The following FOXJ3 variants were observed in gnomAD, a reference collection of about 807,000 sequenced individuals.
The protein encoded by FOXJ3 is forkhead box protein J3.
FOXJ3 carries 22 observed loss-of-function variants against 76.1 expected under a neutral mutation model. That is an observed-to-expected ratio of 0.29 (90% CI 0.21 to 0.41). FOXJ3 has a LOEUF of 0.41. Ranked by LOEUF, FOXJ3 falls within the 10% of genes least tolerant of loss-of-function variation. FOXJ3 has a pLI of 1.00. For missense variants in FOXJ3, 613 were observed against 762.1 expected (o/e 0.80, Z 2.30); for synonymous variants, 269 against 261.2 (o/e 1.03, Z -0.29).
chr1:42,180,334 C>T (rs1182406096), intron 12 of FOXJ3, among the ~76,000 whole-genome samples: 1 of 152,132 alleles, frequency 6.6e-6, no homozygotes, highest in Non-Finnish European at 1.5e-5. Context: ...ACACAGGAAA[C>T]CAGAAGGAAC....
intron 2 of FOXJ3, among the ~76,000 whole-genome samples, chr1:42,279,809 TA>T (rs942372550): frequency 1.3e-5 from 2 of 150,314 alleles, no homozygotes; most frequent in Non-Finnish European, 3.0e-5. Context: ...GACAACAAAA[TA>T]AAAAAAAACT....
chr1:42,204,655 T>C (rs536767559), intron 6 of FOXJ3, among the ~76,000 whole-genome samples: 4 of 152,164 alleles, frequency 2.6e-5, no homozygotes, highest in South Asian at 2.1e-4. Flanking sequence ...CAGTAACTGA[T>C]TTGGCAGAAT....
chr1:42,279,395 T>C (rs1443063976), intron 2 of FOXJ3, among the ~76,000 whole-genome samples: 1 of 152,118 alleles, frequency 6.6e-6, no homozygotes, highest in African/African-American at 2.4e-5. Context: ...TTACAAAAAC[T>C]AACTGAAATT....
At chr1:42,232,105 A>G (rs1360678908) in intron 4 of FOXJ3, among the ~76,000 whole-genome samples, 1 of 152,254 alleles carries the variant, frequency 6.6e-6, no homozygotes, top group South Asian at 2.1e-4. Context: ...AGCCTCATCC[A>G]TGTCCCTAAA....
chr1:42,267,551 T>C (rs1467660654), intron 3 of FOXJ3, among the ~76,000 whole-genome samples: 1 of 152,074 alleles, frequency 6.6e-6, no homozygotes, highest in Non-Finnish European at 1.5e-5. Flanking sequence ...TCTACACAGA[T>C]ATCTGGTCTC....
At chr1:42,305,536 A>T (rs1333591373) in intron 2 of FOXJ3, among the ~76,000 whole-genome samples, 1 of 152,246 alleles carries the variant, frequency 6.6e-6, no homozygotes, top group Non-Finnish European at 1.5e-5. Flanking sequence ...AAAATGTGGT[A>T]CATATATACA....
At chr1:42,180,258 C>T (rs991763979) in intron 12 of FOXJ3, among the ~76,000 whole-genome samples, 2 of 152,140 alleles carry the variant, frequency 1.3e-5, no homozygotes, top group Admixed American at 6.5e-5. Context: ...ACTGAATTTT[C>T]CCCAGCAAGC....
At chr1:42,187,495 G>C (rs1489256458) in intron 11 of FOXJ3, among the ~76,000 whole-genome samples, 2 of 152,132 alleles carry the variant, frequency 1.3e-5, no homozygotes, top group Admixed American at 6.5e-5. Context: ...TCCTGAAAGG[G>C]ACAAAGTATG....
intron 1 of FOXJ3, among the ~76,000 whole-genome samples, chr1:42,333,342 T>G (rs1293165741): frequency 6.6e-6 from 1 of 151,806 alleles, no homozygotes; most frequent in East Asian, 1.9e-4. Context: ...TTTGAAACAT[T>G]AAGTTTTTTT....
intron 5 of FOXJ3, among the ~76,000 whole-genome samples, chr1:42,221,286 C>T (rs544347025): frequency 1.2e-4 from 18 of 152,110 alleles, no homozygotes; most frequent in East Asian, 3.9e-4. Flanking sequence ...CAGAGAACTA[C>T]TGAGACAGCA....
chr1:42,211,766 G>A (rs1480548978), intron 5 of FOXJ3, among the ~76,000 whole-genome samples: 4 of 152,168 alleles, frequency 2.6e-5, no homozygotes, highest in African/African-American at 9.7e-5. Context: ...CAGCATCTGA[G>A]AAAGCCACTA....
intron 6 of FOXJ3, among the ~76,000 whole-genome samples, chr1:42,204,011 A>T (rs1646812737): frequency 1.3e-5 from 2 of 151,140 alleles, no homozygotes; most frequent in Non-Finnish European, 3.0e-5. Context: ...AAAAAAAAAA[A>T]AGTTGGATTC....
intron 1 of FOXJ3, among the ~76,000 whole-genome samples, chr1:42,333,341 TTAAG>T (rs200336960): frequency 6.6e-6 from 1 of 151,852 alleles, no homozygotes; most frequent in African/African-American, 2.4e-5. Flanking sequence ...CTTTGAAACA[TTAAG>T]TTTTTTTATT....
At chr1:42,268,941 A>G (rs923800341) in intron 3 of FOXJ3, among the ~76,000 whole-genome samples, 2 of 152,174 alleles carry the variant, frequency 1.3e-5, no homozygotes, top group African/African-American at 2.4e-5. Flanking sequence ...ATGTAAGGTT[A>G]TAATGAGAAT....
rs536653661 is a variant in FOXJ3, at chr1:42,234,775, G to C, written c.445-6809C>G. Reference sequence around the variant, plus strand: ...CCTCTGGAAGTTTTGTCTCAGAGGAGTACCTGGCCGTGTGAGGTGTCAGTG... The same window carrying C: ...CCTCTGGAAGTTTTGTCTCAGAGGACTACCTGGCCGTGTGAGGTGTCAGTG... On this transcript the variant is annotated intron_variant, in intron 4 of 12. Transcript: ENST00000361346. 4.6e-5 allele frequency among the ~76,000 whole-genome samples: 7 copies of C among 152,294 alleles called. No homozygotes were observed. The South Asian group carries it at 1.5e-3, about 32-fold the overall frequency.
At chr1:42,247,086 A>G (rs1053166112) in intron 4 of FOXJ3, among the ~76,000 whole-genome samples, 2 of 152,202 alleles carry the variant, frequency 1.3e-5, no homozygotes, top group Non-Finnish European at 2.9e-5. Context: ...GATAGAAGAA[A>G]TAAGTTCCAA....
At chr1:42,238,745 GT>G (rs541614264) in intron 4 of FOXJ3, among the ~76,000 whole-genome samples, 5 of 152,066 alleles carry the variant, frequency 3.3e-5, no homozygotes, top group Admixed American at 6.5e-5. Context: ...TTCTTTGTAT[GT>G]TGCCCAGGCT....
intron 1 of FOXJ3, among the ~76,000 whole-genome samples, chr1:42,324,113 C>CAG (rs1557726011): frequency 0.14 from 230 of 1,632 alleles, 9 homozygotes; most frequent in East Asian, 0.35. Context: ...TGTATATACA[C>CAG]TGTATATACA....
chr1:42,183,173 T>C, intron 11 of FOXJ3, among the ~76,000 whole-genome samples: 1 of 149,966 alleles, frequency 6.7e-6, no homozygotes, highest in Non-Finnish European at 1.5e-5. Context: ...CTACTCAGAC[T>C]TGAACCTGGG....
Sources: gnomAD v4.1 joint callset for allele counts (sites outside exome capture counted in the v4.1 genomes callset) on GRCh38, gnomAD v4.1.1 for gene constraint, MANE v1.5 for transcripts, NCBI Gene and HGNC (gene_info 2026-07-23, HGNC 2026-07-21) for gene names.